The following MIB1 variants were observed in gnomAD, a reference collection of about 807,000 sequenced individuals.
The protein encoded by MIB1 is MIB E3 ubiquitin protein ligase 1.
MIB1 carries 278 observed loss-of-function variants against 124.5 expected under a neutral mutation model. That is an observed-to-expected ratio of 2.23 (90% confidence interval 2.02 to 2.47). MIB1 has a LOEUF of 2.47. Among genes scored for constraint, MIB1 ranks in the 30% most tolerant of loss-of-function variants. MIB1 has a pLI of 0.00. For synonymous variants in MIB1, 446 were observed against 429.4 expected, an observed-to-expected ratio of 1.04 and a Z score of -0.48; for missense variants, 957 against 1,254.4, an observed-to-expected ratio of 0.76 and a Z score of 3.58.
Position 21,840,817 on chromosome 18 carries a change from C to A in MIB1, c.1963-2314C>A, listed in dbSNP as rs530723955. 4.0e-5 allele frequency among the ~76,000 whole-genome samples: 6 copies of A among 151,220 alleles called. No individual in the cohort carries two copies. In the Middle Eastern group the frequency reaches 0.01, roughly 264 times the overall value. ...CTGCACTCCAGCCTGGGCAACAGAG[C>A]AAGACCTTGTCTTAAAAATAAAACA... On this transcript the variant is annotated intron_variant, in intron 13 of 20. Transcript: ENST00000261537.
At chr18:21,753,518 G>C (rs1271062153) in intron 1 of MIB1, among the ~76,000 whole-genome samples, 2 of 151,706 alleles carry the variant, frequency 1.3e-5, no homozygotes, top group East Asian at 3.9e-4. Context: ...AATGAGATGA[G>C]ACCAATTTGA....
chr18:21,844,252 CG>C lies in MIB1; in HGVS notation c.2211+1del. The stretch of plus-strand genomic sequence containing the variant: ...GCTGCCTGGGAGCCATCCAAAAACA[CG>C]GTGAGTAAAGATCATCTTTCATTCA... ...VDAAWEPSKN[T>X]LIMGLGTQGA... On this transcript the variant is annotated frameshift_variant and splice_region_variant, in exon 15 of 21. Transcript: ENST00000261537. LOFTEE classifies it high-confidence loss of function. 6.2e-7 allele frequency: 1 copy of C among 1,613,842 alleles called. No individual in the cohort carries two copies.
intron 4 of MIB1, 22 bp from the exon 5 acceptor site, chr18:21,778,081 T>TCTTCTTAG (rs763638129): frequency 2.5e-6 from 4 of 1,589,702 alleles, no homozygotes; most frequent in Non-Finnish European, 3.5e-6. Context: ...TGGGTGATTT[T>TCTTCTTAG]TCTGGTTTCT....
Position 21,819,495 on chromosome 18 carries a change from G to T in MIB1, c.1678G>T (p.Asp560Tyr). Residue 560 changes from aspartate to tyrosine, a missense_variant and splice_region_variant, in exon 12 of 21, where the codon GAT becomes TAT. Asp to Tyr is a radical substitution (Grantham distance 160). Coordinates refer to ENST00000261537, the MANE Select transcript of MIB1 (RefSeq NM_020774.4). The part of the protein sequence containing the change: ...LDFGCHPSLQ[D>Y]SEGDTPLHDA... ...AATGAAAATTTCTTTAAACTTAAAG[G>T]ATTCTGAAGGTGATACCCCTCTTCA... is the stretch of plus-strand genomic sequence containing the variant. The T allele has an allele frequency of 6.3e-7, 1 of 1,585,044 alleles. No individual in the cohort carries two copies. The highest frequency in any genetic ancestry group is 8.6e-7 in the Non-Finnish European group (1 of 1,162,352).
upstream of MIB1, among the ~76,000 whole-genome samples, chr18:21,740,194 TAC>T (rs2040828942): frequency 1.3e-5 from 2 of 152,220 alleles, no homozygotes; most frequent in South Asian, 2.1e-4. Flanking sequence ...AAACTTCTCT[TAC>T]AGTCTTCGAA....
chr18:21,781,409 ATAT>A (rs2041365444), intron 6 of MIB1, among the ~76,000 whole-genome samples: 1 of 87,118 alleles, frequency 1.1e-5, no homozygotes, highest in African/African-American at 5.2e-5. Context: ...ATATATATAT[ATAT>A]ATAAAATTAT....
In MIB1 at chr18:21,789,168, G is replaced by C. The variant is rs117189893; in HGVS notation, c.909-2206G>C. On this transcript the variant is annotated intron_variant, in intron 6 of 20. Coordinates refer to ENST00000261537, the MANE Select transcript of MIB1 (RefSeq NM_020774.4). ...GGTTTGTTCTGGAGACTTTCAGGGA[G>C]AATCTGTTGTATGCCTTTCTCCCAG... Among the ~76,000 whole-genome samples, 262 of 152,294 alleles carry C rather than the reference G, an allele frequency of 1.7e-3. 5 individuals are homozygous for C. The highest frequency in any genetic ancestry group is 0.014 in the Admixed American group (216 of 15,294).
intron 1 of MIB1, among the ~76,000 whole-genome samples, chr18:21,709,818 A>T (rs2040657790): frequency 6.6e-6 from 1 of 152,192 alleles, no homozygotes; most frequent in African/African-American, 2.4e-5. Flanking sequence ...CCTGACAGAG[A>T]TGTGAGCAAA....
At chr18:21,787,838 A>G (rs996639727) in intron 6 of MIB1, among the ~76,000 whole-genome samples, 1 of 151,282 alleles carries the variant, frequency 6.6e-6, no homozygotes, top group Non-Finnish European at 1.5e-5. Flanking sequence ...GTTGCCACAG[A>G]TATGTACACA....
chr18:21,863,334 C>T (rs747286223), intron 20 of MIB1, among the ~76,000 whole-genome samples: 47 of 152,338 alleles, frequency 3.1e-4, no homozygotes, highest in Middle Eastern at 3.4e-3. Flanking sequence ...GTGTAACAGC[C>T]TTATTTTGGG....
intron 20 of MIB1, among the ~76,000 whole-genome samples, chr18:21,864,168 C>T (rs902763088): frequency 2.0e-5 from 3 of 152,098 alleles, no homozygotes; most frequent in South Asian, 2.1e-4. Context: ...TCTATCACAG[C>T]GGCGCGATCT....
At chr18:21,837,416 G>A (rs1191752425) in intron 12 of MIB1, among the ~76,000 whole-genome samples, 1 of 152,224 alleles carries the variant, frequency 6.6e-6, no homozygotes, top group East Asian at 1.9e-4. Flanking sequence ...GCTGAGGCAG[G>A]AGAATGACAT....
Position 21,868,090 on chromosome 18 carries a change from T to A in MIB1, c.*3424T>A, listed in dbSNP as rs1475321312. 3 of 152,002 alleles carry A rather than the reference T, an allele frequency of 2.0e-5. No homozygotes were observed. Among genetic ancestry groups the A allele is most frequent in the Non-Finnish European group, 4.4e-5 (3 of 67,908 alleles). 9.4% of individuals were successfully genotyped at this position (152,002 alleles called of 1,614,324 possible). On this transcript the variant is annotated 3_prime_UTR_variant, in exon 21 of 21. Coordinates refer to ENST00000261537, the MANE Select transcript of MIB1 (RefSeq NM_020774.4). ...TTATAGTAATAATTTGTGTAAAAAATTGAATTTTTGAATAGTTTTTTGTAT... is the reference window on the plus strand; with the variant it reads ...TTATAGTAATAATTTGTGTAAAAAAATGAATTTTTGAATAGTTTTTTGTAT...
At chr18:21,791,666 A>G (rs2041506071) in intron 7 of MIB1, 109 bp downstream of exon 7, 19 of 858,400 alleles carry the variant, frequency 2.2e-5, no homozygotes, top group Non-Finnish European at 3.1e-5. Flanking sequence ...TTAGAATTGT[A>G]CTCTCCATTT....
chr18:21,820,306 A>G (rs1234223339), intron 12 of MIB1, among the ~76,000 whole-genome samples: 1 of 152,190 alleles, frequency 6.6e-6, no homozygotes, highest in Non-Finnish European at 1.5e-5. Context: ...TCTGCATTGG[A>G]TGTCTTCTGT....
At chr18:21,766,847 C>T (rs1282877367) in intron 2 of MIB1, among the ~76,000 whole-genome samples, 4 of 151,752 alleles carry the variant, frequency 2.6e-5, no homozygotes, top group Admixed American at 6.6e-5. Flanking sequence ...AAGACCACCC[C>T]GGACAGCATA....
intron 10 of MIB1, among the ~76,000 whole-genome samples, chr18:21,815,342 A>G (rs1337218711): frequency 6.6e-6 from 1 of 151,646 alleles, no homozygotes; most frequent in Non-Finnish European, 1.5e-5. Context: ...CTCTCTCTAC[A>G]AGACAGGATC....
At chr18:21,807,247 G>A (rs754525756) in intron 10 of MIB1, among the ~76,000 whole-genome samples, 9 of 152,074 alleles carry the variant, frequency 5.9e-5, no homozygotes, top group Non-Finnish European at 1.0e-4. Context: ...CCTGGGCAAC[G>A]TGGCAAAACC....
intron 1 of MIB1, among the ~76,000 whole-genome samples, chr18:21,716,880 A>G (rs763129733): frequency 3.3e-5 from 5 of 152,190 alleles, no homozygotes; most frequent in Non-Finnish European, 5.9e-5. Context: ...TAAAGGATAC[A>G]GAATTGCAGA....
Sources: gnomAD v4.1 joint callset for allele counts (sites outside exome capture counted in the v4.1 genomes callset) on GRCh38, gnomAD v4.1.1 for gene constraint, MANE v1.5 for transcripts, NCBI Gene and HGNC (gene_info 2026-07-23, HGNC 2026-07-21) for gene names.